Variants in ZNF385D observed in about 807,000 individuals in gnomAD.
ZNF385D encodes the protein zinc finger protein 659.
In ZNF385D, 15 loss-of-function variants were observed where a neutral mutation model predicts 35.8. That is an observed-to-expected ratio of 0.42 (90% CI 0.28 to 0.64). The LOEUF (loss-of-function observed/expected upper bound fraction) is 0.64, where lower values mean the gene tolerates loss of function less well. Ranked by LOEUF, ZNF385D falls within the 30% of genes least tolerant of loss-of-function variation. The probability of loss-of-function intolerance (pLI) is 0.23; values close to 1 mark genes in which losing one functional copy is unlikely to be tolerated. For missense variants in ZNF385D, 474 were observed against 494.6 expected, an observed-to-expected ratio of 0.96 and a Z score of 0.39; for synonymous variants, 212 against 186.8, an observed-to-expected ratio of 1.13 and a Z score of -1.10.
chr3:21,786,191 A>C (rs2071684679), intron 3 of ZNF385D, among the ~76,000 whole-genome samples: 1 of 152,202 alleles, frequency 6.6e-6, no homozygotes, highest in Non-Finnish European at 1.5e-5. Context: ...CTCCTTTTCT[A>C]GGATTCCTCA....
chr3:21,767,959 A>C (rs2070904445), intron 3 of ZNF385D, among the ~76,000 whole-genome samples: 1 of 152,122 alleles, frequency 6.6e-6, no homozygotes, highest in Non-Finnish European at 1.5e-5. Context: ...TAAAAGAATT[A>C]TCTTATTTTT....
chr3:22,307,580 G>A (rs992662397), intron 2 of ZNF385D, among the ~76,000 whole-genome samples: 6 of 151,996 alleles, frequency 3.9e-5, no homozygotes, highest in Non-Finnish European at 7.4e-5. Flanking sequence ...ATGGTATTTT[G>A]GGAAAATCAT....
chr3:21,788,386 G>T (rs565047929), intron 3 of ZNF385D, among the ~76,000 whole-genome samples: 1 of 152,292 alleles, frequency 6.6e-6, no homozygotes, highest in African/African-American at 2.4e-5. Flanking sequence ...GCTGAGGCAT[G>T]AGAATCGTTT....
chr3:22,038,538 C>G (rs1698473142), intron 3 of ZNF385D, among the ~76,000 whole-genome samples: 1 of 152,090 alleles, frequency 6.6e-6, no homozygotes, highest in Non-Finnish European at 1.5e-5. Flanking sequence ...TCATCATTAT[C>G]ATTATAATCT....
intron 2 of ZNF385D, among the ~76,000 whole-genome samples, chr3:21,642,873 A>T (rs991980449): frequency 2.0e-5 from 3 of 152,138 alleles, no homozygotes; most frequent in Non-Finnish European, 2.9e-5. Context: ...CTCCATTTAT[A>T]CCTCATACCT....
chr3:21,825,416 CT>C (rs1284335293), intron 3 of ZNF385D, among the ~76,000 whole-genome samples: 1 of 152,048 alleles, frequency 6.6e-6, no homozygotes, highest in Non-Finnish European at 1.5e-5. Context: ...AGTCAAATTG[CT>C]TTTAGCTTCA....
At chr3:21,813,830 G>C (rs200135687) in intron 3 of ZNF385D, among the ~76,000 whole-genome samples, 12,731 of 151,958 alleles carry the variant, frequency 0.084, 795 homozygotes, top group East Asian at 0.31. Flanking sequence ...GGCCAACATT[G>C]AAATTCAGGA....
intron 3 of ZNF385D, among the ~76,000 whole-genome samples, chr3:22,043,385 A>G (rs1698791566): frequency 6.6e-6 from 1 of 152,178 alleles, no homozygotes; most frequent in Non-Finnish European, 1.5e-5. Flanking sequence ...TACTGAAACC[A>G]TGCATGCTAC....
At chr3:22,021,924 G>C (rs542898594) in intron 3 of ZNF385D, among the ~76,000 whole-genome samples, 1 of 152,172 alleles carries the variant, frequency 6.6e-6, no homozygotes, top group South Asian at 2.1e-4. Flanking sequence ...GTGCAGACAA[G>C]TTTGACGGCC....
chr3:21,950,036 T>C (rs997290811), intron 3 of ZNF385D, among the ~76,000 whole-genome samples: 7 of 152,198 alleles, frequency 4.6e-5, no homozygotes, highest in African/African-American at 1.4e-4. Flanking sequence ...CATGTCTTTA[T>C]AGTAGAATGA....
At chr3:22,074,488 G>C (rs548782328) in intron 3 of ZNF385D, among the ~76,000 whole-genome samples, 5 of 151,920 alleles carry the variant, frequency 3.3e-5, no homozygotes, top group Admixed American at 1.3e-4. Flanking sequence ...CATGAATCTT[G>C]CATATTGGTT....
intron 2 of ZNF385D, among the ~76,000 whole-genome samples, chr3:21,611,273 G>A (rs1264302327): frequency 6.6e-6 from 1 of 152,202 alleles, no homozygotes; most frequent in African/African-American, 2.4e-5. Flanking sequence ...CTGCCACAGA[G>A]ATATGTATTA....
At chr3:21,824,360 A>G (rs1694462615) in intron 3 of ZNF385D, among the ~76,000 whole-genome samples, 1 of 152,338 alleles carries the variant, frequency 6.6e-6, no homozygotes, top group East Asian at 1.9e-4. Context: ...ATATACATGA[A>G]TACAACTGTG....
intron 3 of ZNF385D, among the ~76,000 whole-genome samples, chr3:21,960,227 C>A (rs1195090732): frequency 1.3e-5 from 2 of 151,966 alleles, no homozygotes; most frequent in Non-Finnish European, 2.9e-5. Flanking sequence ...CTCCCCAACA[C>A]AGACACTCAC....
chr3:22,145,909 G>C (rs1174673930), intron 3 of ZNF385D, among the ~76,000 whole-genome samples: 3 of 151,954 alleles, frequency 2.0e-5, no homozygotes, highest in Non-Finnish European at 4.4e-5. Context: ...AGAGAGAAAT[G>C]AATCATTTTC....
intron 3 of ZNF385D, among the ~76,000 whole-genome samples, chr3:21,825,573 A>G (rs1277979585): frequency 6.6e-6 from 1 of 152,130 alleles, no homozygotes; most frequent in East Asian, 1.9e-4. Context: ...TTCACTCTGC[A>G]TTCTTCATTT....
At chr3:21,841,209 A>G (rs368605446) in intron 3 of ZNF385D, among the ~76,000 whole-genome samples, 4 of 152,184 alleles carry the variant, frequency 2.6e-5, no homozygotes, top group African/African-American at 9.6e-5. Flanking sequence ...ACCAGTGATA[A>G]CAGACGTAAC....
At position 21,912,984 on chromosome 3, in the gene ZNF385D, T is replaced by C. The variant is rs188534371; in HGVS notation, c.326-247956A>G. ...AAAACTGGAAACAGAATTGTGATAA[T>C]AATTTTTTTAAAAGCAAATTTTTAC... On this transcript the variant is annotated intron_variant, in intron 3 of 5. Transcript: ENST00000494108. 2.0e-5 allele frequency among the ~76,000 whole-genome samples: 3 copies of C among 152,202 alleles called. No individual in the cohort carries two copies. In the East Asian group the frequency reaches 5.8e-4, roughly 29 times the overall value.
chr3:22,214,974 CA>C (rs1697770291), intron 2 of ZNF385D, among the ~76,000 whole-genome samples: 1 of 151,946 alleles, frequency 6.6e-6, no homozygotes, highest in African/African-American at 2.4e-5. Flanking sequence ...TTTTACGGCT[CA>C]GGGGGCATCA....
Sources: allele counts gnomAD v4.1 joint callset (sites outside exome capture counted in the v4.1 genomes callset), GRCh38; gene constraint gnomAD v4.1.1; transcripts MANE v1.5; gene names NCBI Gene and HGNC (gene_info 2026-07-23, HGNC 2026-07-21).